EIF4G3: variants seen among roughly 807,000 people sequenced by gnomAD.
EIF4G3 encodes the protein eIF-4-gamma 3.
A neutral mutation model predicts 186.4 loss-of-function variants in EIF4G3; 34 were observed. That is an observed-to-expected ratio of 0.18 (90% CI 0.14 to 0.24). The LOEUF is 0.24. EIF4G3 is among the 10% of genes least tolerant of loss of function. The pLI is 1.00. For missense variants in EIF4G3, 1,536 were observed against 1,948.5 expected (o/e 0.79, Z 3.99); for synonymous variants, 673 against 679.5 (o/e 0.99, Z 0.15).
chr1:21,000,460 C>T (rs1026673217), intron 6 of EIF4G3, among the ~76,000 whole-genome samples: 1 of 152,042 alleles, frequency 6.6e-6, no homozygotes, highest in African/African-American at 2.4e-5. Flanking sequence ...GGCCCTGCCT[C>T]AATGTAACAG....
intron 4 of EIF4G3, among the ~76,000 whole-genome samples, chr1:21,048,816 C>A (rs2094042495): frequency 1.3e-5 from 2 of 152,092 alleles, no homozygotes; most frequent in South Asian, 4.1e-4. Flanking sequence ...AAGATCTTAG[C>A]CCAGGGTAGG....
At chr1:20,924,635 G>T (rs955266253) in intron 14 of EIF4G3, among the ~76,000 whole-genome samples, 1 of 152,112 alleles carries the variant, frequency 6.6e-6, no homozygotes, top group Non-Finnish European at 1.5e-5. Context: ...GCACGATGTC[G>T]GCTTACTGCC....
intron 16 of EIF4G3, 126 bp from the exon 17 acceptor site, chr1:20,895,627 G>A (rs2087704720): frequency 9.5e-7 from 1 of 1,057,786 alleles, no homozygotes; most frequent in Non-Finnish European, 1.3e-6. Context: ...TAGCCCATAA[G>A]GCTATAATGA....
At chr1:21,065,914 C>A (rs1466701863) in intron 3 of EIF4G3, among the ~76,000 whole-genome samples, 4 of 152,058 alleles carry the variant, frequency 2.6e-5, no homozygotes, top group Admixed American at 6.6e-5. Flanking sequence ...GAGAGTGTTA[C>A]AATAAACCTA....
chr1:20,947,380 A>G (rs901432783), intron 13 of EIF4G3, among the ~76,000 whole-genome samples: 3 of 151,966 alleles, frequency 2.0e-5, no homozygotes, highest in Non-Finnish European at 4.4e-5. Context: ...TCCTCAGTGT[A>G]AAGAAAAAAA....
intron 14 of EIF4G3, among the ~76,000 whole-genome samples, chr1:20,927,171 G>A (rs914859725): frequency 1.3e-5 from 2 of 151,794 alleles, no homozygotes; most frequent in African/African-American, 4.8e-5. Flanking sequence ...AGCCTCCTGA[G>A]TAGCTGGGAT....
chr1:21,148,009 T>C (rs1400041950), intron 2 of EIF4G3, among the ~76,000 whole-genome samples: 2 of 152,248 alleles, frequency 1.3e-5, no homozygotes, highest in African/African-American at 4.8e-5. Context: ...ATTTTTACTT[T>C]TATTAAGGAA....
Position 20,855,069 on chromosome 1 carries a change from A to T in EIF4G3, c.3342T>A (p.Pro1114=), listed in dbSNP as rs762390700. 1.2e-6 allele frequency: 2 copies of T among 1,605,816 alleles called. No individual in the cohort carries two copies. The highest frequency in any genetic ancestry group is 2.7e-5 in the African/African-American group (2 of 74,494). The change falls in exon 26 of 37, where the codon CCT becomes CCA. Residue 1114 remains proline (P), a splice_region_variant and synonymous_variant. Transcript: ENST00000602326. ...CCAGCTGAATTTTTTCATCAATTGT[A>T]GGCTGTAACATAAGGGACCACAAGT... is the stretch of plus-strand genomic sequence containing the variant. ...DPSKFLKITK[P]TIDEKIQLVP...
intron 15 of EIF4G3, among the ~76,000 whole-genome samples, chr1:20,904,449 A>G (rs952895079): frequency 5.9e-5 from 9 of 152,248 alleles, no homozygotes; most frequent in African/African-American, 2.2e-4. Flanking sequence ...GGGCTCAAGC[A>G]ATCCTCCCAC....
At chr1:21,128,569 A>C (rs2097094980) in intron 2 of EIF4G3, among the ~76,000 whole-genome samples, 1 of 152,168 alleles carries the variant, frequency 6.6e-6, no homozygotes, top group Non-Finnish European at 1.5e-5. Context: ...GGTCATTATG[A>C]AGCTCAGATT....
intron 3 of EIF4G3, among the ~76,000 whole-genome samples, chr1:21,068,230 C>T (rs1293968545): frequency 6.6e-6 from 1 of 151,300 alleles, no homozygotes; most frequent in South Asian, 2.1e-4. Context: ...AAAAATTAGC[C>T]GGGCATAAGG....
Position 20,806,890 on chromosome 1 carries a change from G to C in EIF4G3, c.*429C>G, listed in dbSNP as rs995833547. ...AAACAAACATGAGGTGCATCTTGAA[G>C]GGGAGGGAAATTTATTTCTCTGCTT... On this transcript the variant is annotated 3_prime_UTR_variant, in exon 37 of 37. Coordinates refer to ENST00000602326, the MANE Select transcript of EIF4G3 (RefSeq NM_001391906.1). The C allele has an allele frequency of 1.3e-5, 2 of 152,684 alleles. No individual in the cohort carries two copies. The highest frequency in any genetic ancestry group is 4.8e-5 in the African/African-American group (2 of 41,432). 9.5% of individuals were successfully genotyped at this position (152,684 alleles called of 1,614,324 possible).
intron 29 of EIF4G3, chr1:20,847,803 C>CA: frequency 6.4e-6 from 3 of 471,754 alleles, no homozygotes; most frequent in South Asian, 4.6e-5. Context: ...GCAAAGCACT[C>CA]ACCTCCACCT....
At chr1:21,132,640 A>G (rs1387150839) in intron 2 of EIF4G3, among the ~76,000 whole-genome samples, 1 of 151,990 alleles carries the variant, frequency 6.6e-6, no homozygotes, top group African/African-American at 2.4e-5. Context: ...GGGTGTCACT[A>G]TGTTGTGTAG....
chr1:20,861,436 A>G (rs1003356555), intron 23 of EIF4G3, among the ~76,000 whole-genome samples: 3 of 152,226 alleles, frequency 2.0e-5, no homozygotes. Flanking sequence ...TAGGAGGGTC[A>G]CAGGAAAAAC....
At chr1:20,882,681 C>A (rs1395071370) in intron 19 of EIF4G3, among the ~76,000 whole-genome samples, 1 of 151,682 alleles carries the variant, frequency 6.6e-6, no homozygotes, top group Admixed American at 6.6e-5. Flanking sequence ...GTGGTCCATG[C>A]CTATAGTCCC....
At chr1:21,105,961 G>C (rs1173549058) in intron 2 of EIF4G3, among the ~76,000 whole-genome samples, 3 of 152,138 alleles carry the variant, frequency 2.0e-5, no homozygotes, top group Non-Finnish European at 2.9e-5. Context: ...TAGCTACCCA[G>C]GAAGCTGAGG....
chr1:21,086,943 A>C (rs940187933), intron 3 of EIF4G3, among the ~76,000 whole-genome samples: 1 of 143,492 alleles, frequency 7.0e-6, no homozygotes, highest in Non-Finnish European at 1.6e-5. Flanking sequence ...CTTCTCAAAA[A>C]AAAAAAAAAA....
At chr1:21,120,911 C>CTAAATGGT (rs2096914595) in intron 2 of EIF4G3, among the ~76,000 whole-genome samples, 1 of 152,060 alleles carries the variant, frequency 6.6e-6, no homozygotes, top group Non-Finnish European at 1.5e-5. Flanking sequence ...GTTTCCTAAC[C>CTAAATGGT]TGTAAAATGG....
Sources: gnomAD v4.1 joint callset for allele counts (sites outside exome capture counted in the v4.1 genomes callset) on GRCh38, gnomAD v4.1.1 for gene constraint, MANE v1.5 for transcripts, NCBI Gene and HGNC (gene_info 2026-07-23, HGNC 2026-07-21) for gene names.